Variants in NIBAN1 observed in about 807,000 individuals in gnomAD.
The protein encoded by NIBAN1 is protein Niban 1.
Under a neutral mutation model 75.1 loss-of-function variants are expected in NIBAN1, and 81 were observed. The ratio of observed to expected loss-of-function variants is 1.08; its 90% CI spans 0.90 to 1.30. The LOEUF (loss-of-function observed/expected upper bound fraction) is 1.30, where lower values mean the gene tolerates loss of function less well. Ranked by LOEUF, NIBAN1 falls within the 50% of genes most tolerant of loss-of-function variation. The pLI, the probability that NIBAN1 is intolerant of heterozygous loss-of-function variation, is 0.00. For missense variants in NIBAN1, 1,133 were observed against 1,128.1 expected, an observed-to-expected ratio of 1.00 and a Z score of -0.06; for synonymous variants, 436 against 424.8, an observed-to-expected ratio of 1.03 and a Z score of -0.32.
At chr1:184,949,135 T>C (rs1013351253) in intron 1 of NIBAN1, among the ~76,000 whole-genome samples, 10 of 152,036 alleles carry the variant, frequency 6.6e-5, no homozygotes, top group African/African-American at 2.2e-4. Context: ...GGGCGGATCA[T>C]GAGGTCAGAA....
chr1:184,951,362 A>T (rs1353265367), intron 1 of NIBAN1, among the ~76,000 whole-genome samples: 3 of 152,224 alleles, frequency 2.0e-5, no homozygotes, highest in Admixed American at 6.5e-5. Flanking sequence ...TGCTTAGCTG[A>T]CATCTCCACT....
intron 1 of NIBAN1, among the ~76,000 whole-genome samples, chr1:184,950,210 T>C (rs1290184530): frequency 2.6e-5 from 4 of 151,610 alleles, no homozygotes; most frequent in East Asian, 3.9e-4. Context: ...CATGAGATAA[T>C]ATAATGGTCT....
At chr1:184,826,824 G>GAGGAAAA (rs58030001) in intron 6 of NIBAN1, among the ~76,000 whole-genome samples, 5,986 of 152,128 alleles carry the variant, frequency 0.039, 221 homozygotes, top group East Asian at 0.1. Flanking sequence ...ATATGTCTGC[G>GAGGAAAA]AGGAAAAAGA....
chr1:184,940,047 C>A (rs2102046539), intron 1 of NIBAN1, among the ~76,000 whole-genome samples: 1 of 152,286 alleles, frequency 6.6e-6, no homozygotes, highest in East Asian at 1.9e-4. Context: ...AGACTTTAGA[C>A]TGTTTCTGGG....
chr1:184,969,101 T>C (rs1329338153), intron 1 of NIBAN1, among the ~76,000 whole-genome samples: 1 of 152,228 alleles, frequency 6.6e-6, no homozygotes, highest in Non-Finnish European at 1.5e-5. Context: ...TCCCATTTAG[T>C]TGCAAAGGAG....
intron 1 of NIBAN1, among the ~76,000 whole-genome samples, chr1:184,927,444 A>G (rs377375756): frequency 1.4e-4 from 21 of 152,326 alleles, no homozygotes; most frequent in African/African-American, 5.1e-4. Flanking sequence ...AAGATCCAGA[A>G]AAATTTCCTG....
At position 184,794,957 on chromosome 1, in the gene NIBAN1, C is replaced by T; in HGVS notation, c.*20G>A. 1 of 1,605,012 alleles carries T rather than the reference C, an allele frequency of 6.2e-7. No individual in the cohort carries two copies. The highest frequency in any genetic ancestry group is 1.1e-5 in the South Asian group (1 of 91,082). On this transcript the variant is annotated 3_prime_UTR_variant, in exon 14 of 14. Coordinates refer to ENST00000367511, the MANE Select transcript of NIBAN1 (RefSeq NM_052966.4). ...CCCTTTGGCTTTTTTCAGAGAAAGACTTCAGCCAAATTGTCCCTTTCACTC... is the reference window on the plus strand; with the variant it reads ...CCCTTTGGCTTTTTTCAGAGAAAGATTTCAGCCAAATTGTCCCTTTCACTC...
rs147120611 is a variant in NIBAN1 at position 184,808,158 on chromosome 1, G to A, written c.1251C>T (p.His417=). Residue 417 remains histidine, a synonymous_variant, in exon 10 of 14, where the codon CAC becomes CAT. Coordinates refer to ENST00000367511, the MANE Select transcript of NIBAN1 (RefSeq NM_052966.4). ...GGCTCTTGAGATCCTGCAGGCGCTC[G>A]TGAAGCAGGTTGACTTTAGTATAAC... is the stretch of plus-strand genomic sequence containing the variant. ...EPCYTKVNLL[H]ERLQDLKSRF... is the part of the protein sequence containing the mutation. The A allele has an allele frequency of 4.2e-5, 67 of 1,614,064 alleles. No homozygotes were observed. In the African/African-American group the frequency reaches 6.8e-4, roughly 16 times the overall value.
intron 1 of NIBAN1, among the ~76,000 whole-genome samples, chr1:184,941,007 C>A (rs1658075598): frequency 6.6e-6 from 1 of 152,176 alleles, no homozygotes; most frequent in African/African-American, 2.4e-5. Context: ...TTCTTATATT[C>A]CAATTATTTT....
chr1:184,874,658 A>T (rs1656189411), intron 5 of NIBAN1, among the ~76,000 whole-genome samples: 1 of 152,156 alleles, frequency 6.6e-6, no homozygotes, highest in African/African-American at 2.4e-5. Flanking sequence ...CTCAAAACAT[A>T]TAATTCAACA....
At chr1:184,834,689 CT>C (rs1655091389) in intron 5 of NIBAN1, among the ~76,000 whole-genome samples, 1 of 152,122 alleles carries the variant, frequency 6.6e-6, no homozygotes, top group East Asian at 1.9e-4. Context: ...CCTTTGCCCA[CT>C]TTTTGATGGG....
intron 5 of NIBAN1, among the ~76,000 whole-genome samples, chr1:184,832,498 T>G: frequency 6.6e-6 from 1 of 152,208 alleles, no homozygotes; most frequent in East Asian, 1.9e-4. Flanking sequence ...ACTTTACAGA[T>G]TTCATTGAGA....
At chr1:184,932,620 G>T (rs1571584493) in intron 1 of NIBAN1, among the ~76,000 whole-genome samples, 1 of 152,208 alleles carries the variant, frequency 6.6e-6, no homozygotes, top group Non-Finnish European at 1.5e-5. Context: ...GACGGTACTG[G>T]TCCATGGCCT....
intron 5 of NIBAN1, among the ~76,000 whole-genome samples, chr1:184,845,077 G>C (rs2102257040): frequency 1.3e-5 from 2 of 152,302 alleles, no homozygotes; most frequent in Middle Eastern, 6.8e-3. Context: ...GGTTATCTGA[G>C]CCCACAATGT....
At chr1:184,905,217 C>T (rs999547999) in intron 1 of NIBAN1, among the ~76,000 whole-genome samples, 3 of 152,022 alleles carry the variant, frequency 2.0e-5, no homozygotes, top group African/African-American at 4.8e-5. Context: ...CTTGGTCCCA[C>T]TCAAAGGTAG....
rs568756723 is a variant in NIBAN1 at position 184,963,482 on chromosome 1, A to G, written c.55+10820T>C. Among the ~76,000 whole-genome samples, 76 of 152,296 alleles carry G rather than the reference A, an allele frequency of 5.0e-4. No homozygotes were observed. The South Asian group carries it at 0.016, about 31-fold the overall frequency. Reference sequence around the variant, plus strand: ...GATTTAAAAGAATTGAAAACTGTCAAATTTGCAGATAATACATGCACACAA... The same window carrying G: ...GATTTAAAAGAATTGAAAACTGTCAGATTTGCAGATAATACATGCACACAA... On this transcript the variant is annotated intron_variant, in intron 1 of 13. Coordinates refer to ENST00000367511, the MANE Select transcript of NIBAN1 (RefSeq NM_052966.4).
At chr1:184,855,387 T>C (rs1363152628) in intron 5 of NIBAN1, among the ~76,000 whole-genome samples, 1 of 152,204 alleles carries the variant, frequency 6.6e-6, no homozygotes, top group African/African-American at 2.4e-5. Context: ...CCAGAGCTTT[T>C]CTTTCAAGCT....
At chr1:184,824,686 A>G (rs756940264) in intron 6 of NIBAN1, among the ~76,000 whole-genome samples, 3 of 152,206 alleles carry the variant, frequency 2.0e-5, no homozygotes, top group Non-Finnish European at 2.9e-5. Context: ...ACAATTGGAA[A>G]TACTATTTTT....
chr1:184,894,623 G>A (rs1446322910), intron 2 of NIBAN1, among the ~76,000 whole-genome samples: 1 of 152,192 alleles, frequency 6.6e-6, no homozygotes, highest in Non-Finnish European at 1.5e-5. Flanking sequence ...CCCGCAAAGC[G>A]GGAGAATTAA....
Sources: allele counts gnomAD v4.1 joint callset (sites outside exome capture counted in the v4.1 genomes callset), GRCh38; gene constraint gnomAD v4.1.1; transcripts MANE v1.5; gene names NCBI Gene and HGNC (gene_info 2026-07-23, HGNC 2026-07-21).